XIRP2: variants seen among roughly 807,000 people sequenced by gnomAD.
The protein encoded by XIRP2 is xin actin-binding repeat-containing protein 2.
In XIRP2, 236 loss-of-function variants were observed where a neutral mutation model predicts 277.0. The observed-to-expected ratio is 0.85, with a 90% confidence interval of 0.77 to 0.95. The LOEUF (loss-of-function observed/expected upper bound fraction) is 0.95. XIRP2 is among the 40% of genes least tolerant of loss of function. XIRP2 has a pLI of 0.00. For synonymous variants in XIRP2, 1,490 were observed against 1,416.5 expected (o/e 1.05, Z -1.17); for missense variants, 4,640 against 4,157.5 (o/e 1.12, Z -3.19).
chr2:167,141,166 C>A (rs1387440415), intron 3 of XIRP2, among the ~76,000 whole-genome samples: 4 of 152,294 alleles, frequency 2.6e-5, no homozygotes, highest in Non-Finnish European at 5.9e-5. Flanking sequence ...ATTCACTTTA[C>A]TACCCTGAAA....
At chr2:167,055,152 G>C (rs1019701793) in intron 2 of XIRP2, among the ~76,000 whole-genome samples, 4 of 152,042 alleles carry the variant, frequency 2.6e-5, no homozygotes, top group Non-Finnish European at 4.4e-5. Context: ...TCTTTTTATC[G>C]TACCTTAGTA....
chr2:167,000,459 A>G (rs1490534636), intron 2 of XIRP2, among the ~76,000 whole-genome samples: 6 of 150,626 alleles, frequency 4.0e-5, no homozygotes, highest in African/African-American at 7.3e-5. Context: ...ATTGGTAGTT[A>G]GAGCTAGGGT....
chr2:166,976,147 C>T (rs1002079169), intron 2 of XIRP2, among the ~76,000 whole-genome samples: 16 of 152,104 alleles, frequency 1.1e-4, no homozygotes, highest in Non-Finnish European at 1.3e-4. Context: ...TACCCCCAGT[C>T]CTACTAGGCC....
At chr2:167,016,158 C>CT (rs1687823472) in intron 2 of XIRP2, among the ~76,000 whole-genome samples, 1 of 151,754 alleles carries the variant, frequency 6.6e-6, no homozygotes, top group South Asian at 2.1e-4. Context: ...TGCTCTTCCT[C>CT]TTTTTTCTCC....
intron 2 of XIRP2, among the ~76,000 whole-genome samples, chr2:167,023,759 T>C (rs1290400095): frequency 6.6e-6 from 1 of 152,148 alleles, no homozygotes; most frequent in Non-Finnish European, 1.5e-5. Context: ...AAAGATCAGA[T>C]GGTTGTAGAT....
intron 2 of XIRP2, among the ~76,000 whole-genome samples, chr2:167,028,598 ACAAAGAAGTC>A (rs1688240720): frequency 6.6e-6 from 1 of 152,080 alleles, no homozygotes; most frequent in Admixed American, 6.6e-5. Flanking sequence ...CAAGACAGGT[ACAAAGAAGTC>A]CAGACCTCAA....
intron 2 of XIRP2, among the ~76,000 whole-genome samples, chr2:167,074,339 C>A (rs992148665): frequency 6.6e-6 from 1 of 151,978 alleles, no homozygotes; most frequent in Non-Finnish European, 1.5e-5. Context: ...CTTTTCCATG[C>A]CTAGTCATTT....
In XIRP2 at chr2:167,244,715, A is replaced by C. The variant is rs759013961; in HGVS notation, c.3323A>C (p.Glu1108Ala). ...ACCCAGCCAATGGAGTCTCTTTATG[A>C]AAAAGTTTCGTTAATGACCAGCAGT... ...FETQPMESLYEKVSLMTSSEE... is the reference protein window; with the variant it reads ...FETQPMESLYAKVSLMTSSEE... The change falls in exon 9 of 11, where the codon GAA becomes GCA. Residue 1108 changes from glutamate to alanine, a missense_variant. Transcript: ENST00000409195. 1 of 1,613,134 alleles carries C rather than the reference A, an allele frequency of 6.2e-7. No homozygotes were observed. Among genetic ancestry groups the C allele is most frequent in the Non-Finnish European group, 8.5e-7 (1 of 1,179,652 alleles).
chr2:166,962,606 A>C (rs1686326578), intron 2 of XIRP2, among the ~76,000 whole-genome samples: 1 of 151,812 alleles, frequency 6.6e-6, no homozygotes, highest in Non-Finnish European at 1.5e-5. Context: ...AGCAACTCAA[A>C]AAGTTTTTGG....
At chr2:167,045,917 C>A (rs1688775809) in intron 2 of XIRP2, among the ~76,000 whole-genome samples, 1 of 151,984 alleles carries the variant, frequency 6.6e-6, no homozygotes, top group South Asian at 2.1e-4. Context: ...ATGATGTTGA[C>A]TGTGGGTTTG....
At chr2:167,001,621 T>C (rs1229171657) in intron 2 of XIRP2, among the ~76,000 whole-genome samples, 1 of 152,168 alleles carries the variant, frequency 6.6e-6, no homozygotes, top group Non-Finnish European at 1.5e-5. Context: ...TTTCCTATTG[T>C]AAATAACCTG....
At chr2:167,045,364 C>G (rs1688761128) in intron 2 of XIRP2, among the ~76,000 whole-genome samples, 1 of 152,048 alleles carries the variant, frequency 6.6e-6, no homozygotes, top group Non-Finnish European at 1.5e-5. Flanking sequence ...ATGACAAAGA[C>G]TCCAAAAGCA....
At chr2:166,976,038 C>A (rs1338461998) in intron 2 of XIRP2, among the ~76,000 whole-genome samples, 1 of 144,018 alleles carries the variant, frequency 6.9e-6, no homozygotes, top group Non-Finnish European at 1.5e-5. Context: ...TTGTTGTAGA[C>A]AAAGCCTTGA....
rs182231375 is a variant in XIRP2, at chr2:167,082,957, G to A, written c.409-52952G>A. 1.8e-3 allele frequency among the ~76,000 whole-genome samples: 272 copies of A among 152,128 alleles called. 1 individual carries two copies. The highest frequency in any genetic ancestry group is 2.4e-3 in the Admixed American group (36 of 15,286). On this transcript the variant is annotated intron_variant, in intron 2 of 10. Coordinates refer to ENST00000409195, the MANE Select transcript of XIRP2 (RefSeq NM_152381.6). ...AAGCTCTTTAGTTTAATTAGATCCCGTTTGTCAATTTTGTCATTTGTTGCC... is the reference window on the plus strand; with the variant it reads ...AAGCTCTTTAGTTTAATTAGATCCCATTTGTCAATTTTGTCATTTGTTGCC...
intron 2 of XIRP2, among the ~76,000 whole-genome samples, chr2:166,937,491 G>T (rs1052363250): frequency 6.6e-6 from 1 of 152,118 alleles, no homozygotes; most frequent in African/African-American, 2.4e-5. Context: ...GCTGGATTTG[G>T]TTTGCCAGTA....
chr2:167,238,736 T>C (rs999797669), intron 5 of XIRP2, among the ~76,000 whole-genome samples: 12 of 152,314 alleles, frequency 7.9e-5, no homozygotes, highest in Middle Eastern at 3.4e-3. Context: ...ATATTTATTA[T>C]TCATTTGGAT....
At chr2:167,023,430 C>G (rs1380902199) in intron 2 of XIRP2, among the ~76,000 whole-genome samples, 1 of 151,798 alleles carries the variant, frequency 6.6e-6, no homozygotes, top group Non-Finnish European at 1.5e-5. Context: ...ATGGTAGTTT[C>G]TTTTGCTGTG....
intron 2 of XIRP2, among the ~76,000 whole-genome samples, chr2:166,905,546 C>T (rs1684494895): frequency 6.6e-6 from 1 of 151,730 alleles, no homozygotes; most frequent in South Asian, 2.1e-4. Context: ...CACCATTTGC[C>T]TTGTAAAAAT....
At position 167,077,586 on chromosome 2, in the gene XIRP2, G is replaced by A. The variant is rs908336967; in HGVS notation, c.409-58323G>A. ...GGGTGGAAGATGGCAGTTTTAAAGA[G>A]CATAACCCAGGAAGGTCACTGAAAC... On this transcript the variant is annotated intron_variant, in intron 2 of 10. Transcript: ENST00000409195. Among the ~76,000 whole-genome samples the A allele has an allele frequency of 2.0e-5, 3 of 152,184 alleles. No homozygotes were observed. In the South Asian group the frequency reaches 6.2e-4, roughly 32 times the overall value.
Sources: gnomAD v4.1 joint callset for allele counts (sites outside exome capture counted in the v4.1 genomes callset) on GRCh38, gnomAD v4.1.1 for gene constraint, MANE v1.5 for transcripts, NCBI Gene and HGNC (gene_info 2026-07-23, HGNC 2026-07-21) for gene names.